The following SLC25A30 variants were observed in gnomAD, a reference collection of about 807,000 sequenced individuals.
SLC25A30 encodes the protein solute carrier family 25 member 30.
In SLC25A30, 29 loss-of-function variants were observed where a neutral mutation model predicts 42.7. The observed-to-expected ratio is 0.68, with a 90% CI of 0.51 to 0.93. The LOEUF is 0.93. SLC25A30 is among the 40% of genes least tolerant of loss of function. The pLI, the probability that SLC25A30 is intolerant of heterozygous loss-of-function variation, is 0.00. For synonymous variants in SLC25A30, 124 were observed against 131.0 expected (o/e 0.95, Z 0.37); for missense variants, 300 against 359.7 (o/e 0.83, Z 1.34).
chr13:45,424,799 A>ATACAT, the SLC25A30 span, among the ~76,000 whole-genome samples: 3 of 60,506 alleles, frequency 5.0e-5, no homozygotes, highest in African/African-American at 1.9e-4. Flanking sequence ...AAAGAATATA[A>ATACAT]ATATATAAAA....
Position 45,415,854 on chromosome 13 carries a change from C to T in SLC25A30, c.-56+2446G>A, listed in dbSNP as rs186242652. 5.5e-3 allele frequency among the ~76,000 whole-genome samples: 709 copies of T among 129,958 alleles called. 9 individuals carry two copies. Among genetic ancestry groups the T allele is most frequent in the African/African-American group, 0.019 (657 of 34,142 alleles). The allele number at this position is 129,958 out of a possible 152,430, so 85.3% of individuals were successfully genotyped here. A position where few individuals can be genotyped will look rare whatever the true frequency, so the allele number is the denominator to read the frequency against. ...TCGCTCTTTCACCCAGGCTGGAGTG[C>T]GGTGGTGCTATCTCAGCTCACTGCA... On this transcript the variant is annotated intron_variant, in intron 1 of 9. Coordinates refer to ENST00000519676, the MANE Select transcript of SLC25A30 (RefSeq NM_001010875.4).
At chr13:45,427,517 A>G in the SLC25A30 span, among the ~76,000 whole-genome samples, 1 of 152,002 alleles carries the variant, frequency 6.6e-6, no homozygotes, top group African/African-American at 2.4e-5. Context: ...ATCATTTACT[A>G]CCTTCCTAAA....
At chr13:45,411,666 C>T (rs773954431) in intron 1 of SLC25A30, 186 bp from the exon 2 acceptor site, 3 of 515,576 alleles carry the variant, frequency 5.8e-6, no homozygotes, top group African/African-American at 1.9e-5. Flanking sequence ...CAACAATTTC[C>T]AATCTTACTT....
chr13:45,413,500 T>C (rs1047365177), intron 1 of SLC25A30, among the ~76,000 whole-genome samples: 1 of 151,514 alleles, frequency 6.6e-6, no homozygotes, highest in Admixed American at 6.6e-5. Context: ...CCTGAAAGGA[T>C]GGCTTGAGCC....
the SLC25A30 span, among the ~76,000 whole-genome samples, chr13:45,425,604 A>G: frequency 1.5e-5 from 1 of 67,910 alleles, no homozygotes; most frequent in East Asian, 2.8e-4. Context: ...ATACATATAT[A>G]TATACATATA....
At chr13:45,425,328 CTATA>C in the SLC25A30 span, among the ~76,000 whole-genome samples, 1 of 101,216 alleles carries the variant, frequency 9.9e-6, no homozygotes, top group Non-Finnish European at 1.8e-5. Flanking sequence ...GTATATGTAA[CTATA>C]TATAAGTATA....
Position 45,401,086 on chromosome 13 carries a change from A to G in SLC25A30, c.611T>C (p.Phe204Ser). The G allele has an allele frequency of 6.2e-7, 1 of 1,604,284 alleles. No homozygotes were observed. The highest frequency in any genetic ancestry group is 1.1e-5 in the South Asian group (1 of 88,828). The change falls in exon 7 of 10, where the codon TTC (phenylalanine) becomes TCC (serine). Residue 204 changes from phenylalanine to serine, a missense_variant. Phe to Ser is a radical substitution (Grantham distance 155, BLOSUM62 -2). Coordinates refer to ENST00000519676, the MANE Select transcript of SLC25A30 (RefSeq NM_001010875.4). ...GLMGDTVYTH[F>S]LSSFTCGLAG... ...TTAAAAAAAGCCATGAACATACAGG[A>G]AGTGGGTATACACAGTGTCTCCCAT...
At chr13:45,407,952 T>G (rs1882671147) in intron 3 of SLC25A30, among the ~76,000 whole-genome samples, 1 of 152,220 alleles carries the variant, frequency 6.6e-6, no homozygotes, top group African/African-American at 2.4e-5. Context: ...GATCCTCATC[T>G]AGTCTTCCTA....
At chr13:45,419,120 T>G (rs1265851740), upstream of SLC25A30, among the ~76,000 whole-genome samples, 11 of 103,712 alleles carry the variant, frequency 1.1e-4, no homozygotes, top group Non-Finnish European at 1.7e-4. Context: ...GACAAAGTGA[T>G]ACTCCCTCTT....
At chr13:45,423,823 T>A in the SLC25A30 span, among the ~76,000 whole-genome samples, 1 of 74,720 alleles carries the variant, frequency 1.3e-5, no homozygotes, top group Non-Finnish European at 2.2e-5. Flanking sequence ...AAAATATAAA[T>A]ATATATTTAT....
Position 45,400,777 on chromosome 13 carries a change from G to A in SLC25A30, c.614+306C>T, listed in dbSNP as rs572969279. On this transcript the variant is annotated intron_variant, in intron 7 of 9. Coordinates refer to ENST00000519676, the MANE Select transcript of SLC25A30 (RefSeq NM_001010875.4). Reference sequence around the variant, plus strand: ...CTTCCAAAGTCCTAAGATTACAGGCGTGAACTACTGTGCCCAGCCTGTTGT... The same window carrying A: ...CTTCCAAAGTCCTAAGATTACAGGCATGAACTACTGTGCCCAGCCTGTTGT... Among the ~76,000 whole-genome samples the A allele has an allele frequency of 1.4e-4, 21 of 152,276 alleles. No homozygotes were observed. In the South Asian group the frequency reaches 3.9e-3, roughly 29 times the overall value.
At chr13:45,423,775 T>TATAAATATATAAAAATATAA in the SLC25A30 span, among the ~76,000 whole-genome samples, 11 of 58,552 alleles carry the variant, frequency 1.9e-4, 1 homozygote, top group African/African-American at 7.2e-4. Context: ...TAAAAATATA[T>TATAAATATATAAAAATATAA]AAATATATAA....
At chr13:45,427,342 T>C in the SLC25A30 span, among the ~76,000 whole-genome samples, 1 of 152,142 alleles carries the variant, frequency 6.6e-6, no homozygotes, top group Non-Finnish European at 1.5e-5. Flanking sequence ...TTACCTCTGG[T>C]CCTTTCCTTA....
intron 9 of SLC25A30, chr13:45,396,426 C>CTGATG: frequency 1.2e-6 from 1 of 844,536 alleles, no homozygotes; most frequent in Non-Finnish European, 1.5e-6. Flanking sequence ...TGAAGAGCAA[C>CTGATG]AAGAGGACAG....
At chr13:45,428,358 G>A in the SLC25A30 span, among the ~76,000 whole-genome samples, 1 of 142,750 alleles carries the variant, frequency 7.0e-6, no homozygotes, top group African/African-American at 2.6e-5. Flanking sequence ...ACAGGCGCAT[G>A]CCACCACACC....
chr13:45,421,433 A>G (rs1301463843), upstream of SLC25A30, among the ~76,000 whole-genome samples: 1 of 151,586 alleles, frequency 6.6e-6, no homozygotes, highest in Non-Finnish European at 1.5e-5. Context: ...CCAGAAATAT[A>G]TCTACGAACT....
rs758189427 is a variant in SLC25A30, at chr13:45,401,141, T to C, written c.556A>G (p.Thr186Ala). 1 of 1,614,008 alleles carries C rather than the reference T, an allele frequency of 6.2e-7. No individual in the cohort carries two copies. The highest frequency in any genetic ancestry group is 8.5e-7 in the Non-Finnish European group (1 of 1,179,906). ...CCTGAGAGAATAAGATGCTTCTTGGTGATGTCATAGACCGGCAGCTCCACA... is the reference window on the plus strand; with the variant it reads ...CCTGAGAGAATAAGATGCTTCTTGGCGATGTCATAGACCGGCAGCTCCACA... Reference protein sequence around the residue: ...VGVELPVYDITKKHLILSGLM... With the variant: ...VGVELPVYDIAKKHLILSGLM... Residue 186 changes from threonine to alanine, a missense_variant, in exon 7 of 10, where the codon ACC (threonine) becomes GCC (alanine). Thr to Ala is a moderately conservative substitution (Grantham distance 58, BLOSUM62 0). Transcript: ENST00000519676.
At chr13:45,404,114 A>C (rs1031368774) in intron 5 of SLC25A30, among the ~76,000 whole-genome samples, 1 of 152,206 alleles carries the variant, frequency 6.6e-6, no homozygotes, top group African/African-American at 2.4e-5. Flanking sequence ...AATCACCGAA[A>C]TCTTTGTCTC....
At chr13:45,424,841 AATATATATAAATAT>A in the SLC25A30 span, among the ~76,000 whole-genome samples, 3 of 52,290 alleles carry the variant, frequency 5.7e-5, 1 homozygote, top group Admixed American at 3.6e-4. Flanking sequence ...TATATATAAA[AATATATATAAATAT>A]ATATATAAAA....
Sources: gnomAD v4.1 joint callset for allele counts (sites outside exome capture counted in the v4.1 genomes callset) on GRCh38, gnomAD v4.1.1 for gene constraint, MANE v1.5 for transcripts, NCBI Gene and HGNC (gene_info 2026-07-23, HGNC 2026-07-21) for gene names.